The following ACER2 variants were observed in gnomAD, a reference collection of about 807,000 sequenced individuals.
ACER2 encodes the protein alkaline ceramidase 2, also known as alkCDase 2.
Under a neutral mutation model 34.7 loss-of-function variants are expected in ACER2, and 26 were observed. The ratio of observed to expected loss-of-function variants is 0.75; its 90% CI spans 0.55 to 1.04. ACER2 has a LOEUF of 1.04. Ranked by LOEUF, ACER2 falls within the 50% of genes least tolerant of loss-of-function variation. The pLI is 0.00. For missense variants in ACER2, 352 were observed against 340.8 expected, an observed-to-expected ratio of 1.03 and a Z score of -0.26; for synonymous variants, 138 against 132.1, an observed-to-expected ratio of 1.04 and a Z score of -0.31.
intron 5 of ACER2, chr9:19,446,643 A>C: frequency 6.1e-6 from 6 of 985,322 alleles, no homozygotes; most frequent in Non-Finnish European, 7.2e-6. Context: ...CCTGATTGTC[A>C]TGCTTAGGTC....
At position 19,451,378 on chromosome 9, in the gene ACER2, C is replaced by CT. The variant is rs1831563652; in HGVS notation, c.*743dup. The CT allele has an allele frequency of 6.6e-6, 1 of 152,640 alleles. No homozygotes were observed. Among genetic ancestry groups the CT allele is most frequent in the African/African-American group, 2.4e-5 (1 of 41,442 alleles). The allele number at this position is 152,640 out of a possible 1,614,324, so 9.5% of individuals were successfully genotyped here. The stretch of plus-strand genomic sequence containing the variant: ...GATGAAACACACACAGGACTTGTGG[C>CT]TAAAAAGGCTAGTTTTTCACTTGCA... On this transcript the variant is annotated 3_prime_UTR_variant, in exon 6 of 6. Transcript: ENST00000340967.
At chr9:19,438,752 A>G (rs901922016) in intron 4 of ACER2, among the ~76,000 whole-genome samples, 1 of 152,208 alleles carries the variant, frequency 6.6e-6, no homozygotes, top group African/African-American at 2.4e-5. Context: ...TAATTTTGTT[A>G]TAAGAAAAGG....
At chr9:19,448,004 CTTTTTTTTTT>C (rs557934540) in intron 5 of ACER2, among the ~76,000 whole-genome samples, 2 of 109,900 alleles carry the variant, frequency 1.8e-5, no homozygotes, top group Non-Finnish European at 3.5e-5. Context: ...ACGATGCAAA[CTTTTTTTTTT>C]TTTTTTTTTT....
chr9:19,423,237 G>C (rs1360301806), intron 1 of ACER2, among the ~76,000 whole-genome samples: 1 of 152,062 alleles, frequency 6.6e-6, no homozygotes, highest in Non-Finnish European at 1.5e-5. Flanking sequence ...AGAATTACTG[G>C]TTAATTCTTA....
At chr9:19,423,796 G>C in intron 1 of ACER2, 66 bp from the exon 2 acceptor site, 2 of 1,192,088 alleles carry the variant, frequency 1.7e-6, no homozygotes, top group Non-Finnish European at 2.5e-6. Flanking sequence ...ACTTGGAAGA[G>C]GCCACTTTAT....
At chr9:19,447,317 T>C (rs1831404478) in intron 5 of ACER2, among the ~76,000 whole-genome samples, 1 of 152,216 alleles carries the variant, frequency 6.6e-6, no homozygotes, top group Admixed American at 6.5e-5. Context: ...AGAGATAGGC[T>C]AAAAATATAC....
intron 5 of ACER2, among the ~76,000 whole-genome samples, chr9:19,447,040 C>T (rs1198918886): frequency 2.0e-5 from 3 of 151,154 alleles, no homozygotes; most frequent in Non-Finnish European, 2.9e-5. Context: ...AAAAAAAAAG[C>T]GGGTTACAAA....
intron 3 of ACER2, among the ~76,000 whole-genome samples, chr9:19,433,468 G>A (rs1297567317): frequency 6.6e-6 from 1 of 151,896 alleles, no homozygotes; most frequent in Non-Finnish European, 1.5e-5. Context: ...CACAGGGTTG[G>A]GGGTAAGGTC....
intron 1 of ACER2, among the ~76,000 whole-genome samples, chr9:19,411,596 T>A (rs1265210332): frequency 6.6e-6 from 1 of 152,186 alleles, no homozygotes; most frequent in African/African-American, 2.4e-5. Flanking sequence ...GACATTCCCA[T>A]GCTTATCTTA....
chr9:19,412,612 G>A (rs1368656269), intron 1 of ACER2, among the ~76,000 whole-genome samples: 3 of 145,180 alleles, frequency 2.1e-5, no homozygotes, highest in African/African-American at 7.8e-5. Flanking sequence ...CTGAGATCGC[G>A]CCACTGCACA....
intron 4 of ACER2, among the ~76,000 whole-genome samples, chr9:19,439,198 A>C (rs889396481): frequency 6.6e-6 from 1 of 152,204 alleles, no homozygotes; most frequent in African/African-American, 2.4e-5. Flanking sequence ...TCATCATCAC[A>C]TTAACAAGTG....
At chr9:19,432,874 G>A (rs989022616) in intron 3 of ACER2, among the ~76,000 whole-genome samples, 5 of 151,226 alleles carry the variant, frequency 3.3e-5, no homozygotes, top group African/African-American at 1.2e-4. Context: ...GATTACAGGT[G>A]TGAGCCACCA....
intron 5 of ACER2, 37 bp from the exon 6 acceptor site, chr9:19,450,413 T>C (rs1399527240): frequency 6.5e-7 from 1 of 1,542,488 alleles, no homozygotes; most frequent in Non-Finnish European, 8.8e-7. Flanking sequence ...GGAGTCTTCA[T>C]GCTCATCAGG....
chr9:19,426,312 CTTTCTTTCTT>C (rs1284139638), intron 3 of ACER2, among the ~76,000 whole-genome samples: 7 of 147,126 alleles, frequency 4.8e-5, no homozygotes, highest in South Asian at 2.2e-4. Context: ...CTTTCTCTTT[CTTTCTTTCTT>C]TTTCTTTCTT....
chr9:19,448,004 C>CT (rs557934540), intron 5 of ACER2, among the ~76,000 whole-genome samples: 7,402 of 109,750 alleles, frequency 0.067, 1,041 homozygotes, highest in African/African-American at 0.24. Context: ...ACGATGCAAA[C>CT]TTTTTTTTTT....
In ACER2 at chr9:19,446,305, G is replaced by C; in HGVS notation, c.528G>C (p.Lys176Asn). 6.2e-7 allele frequency: 1 copy of C among 1,614,186 alleles called. No homozygotes were observed. The highest frequency in any genetic ancestry group is 8.5e-7 in the Non-Finnish European group (1 of 1,180,038). ...LKRCDNMRVF[K>N]LGLFSGLWWT... is the part of the protein sequence containing the mutation. ...GGTGTGACAACATGCGTGTGTTTAA[G>C]CTGGGCCTCTTCTCGGGCCTCTGGT... Residue 176 changes from lysine to asparagine, a missense_variant, in exon 5 of 6, where the codon AAG becomes AAC. Coordinates refer to ENST00000340967, the MANE Select transcript of ACER2 (RefSeq NM_001010887.3).
chr9:19,430,847 A>C (rs575677466), intron 3 of ACER2, among the ~76,000 whole-genome samples: 1 of 151,836 alleles, frequency 6.6e-6, no homozygotes, highest in Admixed American at 6.6e-5. Context: ...AATCCCAGCT[A>C]CTCCGGAGGC....
At chr9:19,434,824 A>T in intron 3 of ACER2, 123 bp from the exon 4 acceptor site, 1 of 1,288,360 alleles carries the variant, frequency 7.8e-7, no homozygotes, top group Non-Finnish European at 1.1e-6. Context: ...GAACCTTGGT[A>T]CTTAGCGCAG....
chr9:19,443,764 C>G (rs892287056), intron 4 of ACER2, among the ~76,000 whole-genome samples: 1 of 152,122 alleles, frequency 6.6e-6, no homozygotes, highest in Non-Finnish European at 1.5e-5. Flanking sequence ...TCAAGTGATT[C>G]TCCTGCCTCA....
Sources: allele counts gnomAD v4.1 joint callset (sites outside exome capture counted in the v4.1 genomes callset), GRCh38; gene constraint gnomAD v4.1.1; transcripts MANE v1.5; gene names NCBI Gene and HGNC (gene_info 2026-07-23, HGNC 2026-07-21).